Variants in EPHA4 observed in about 807,000 individuals in gnomAD.
EPHA4 encodes EPH receptor A4, also known as ephrin type-A receptor 4.
In EPHA4, 19 loss-of-function variants were observed where a neutral mutation model predicts 108.3. That is an observed-to-expected ratio of 0.18 (90% CI 0.12 to 0.26). EPHA4 has a LOEUF of 0.26. EPHA4 is among the 10% of genes least tolerant of loss of function. The pLI is 1.00. For missense variants in EPHA4, 917 were observed against 1,254.0 expected (o/e 0.73, Z 4.06); for synonymous variants, 449 against 455.5 (o/e 0.99, Z 0.18).
chr2:221,502,966 A>G (rs1187802254), intron 3 of EPHA4, among the ~76,000 whole-genome samples: 2 of 152,182 alleles, frequency 1.3e-5, no homozygotes, highest in Non-Finnish European at 2.9e-5. Context: ...ATAAGGTTCA[A>G]CTTGCAAGGT....
chr2:221,480,432 C>T (rs1691784858), intron 5 of EPHA4, among the ~76,000 whole-genome samples: 1 of 152,174 alleles, frequency 6.6e-6, no homozygotes, highest in African/African-American at 2.4e-5. Context: ...CCAGATGGTG[C>T]AGAAATCGTT....
At chr2:221,515,701 C>T (rs1308715218) in intron 3 of EPHA4, among the ~76,000 whole-genome samples, 1 of 152,072 alleles carries the variant, frequency 6.6e-6, no homozygotes, top group Non-Finnish European at 1.5e-5. Flanking sequence ...CCTGTAGTCC[C>T]AGCTACTGGG....
chr2:221,437,958 T>G (rs978741426), intron 11 of EPHA4, among the ~76,000 whole-genome samples: 2 of 151,922 alleles, frequency 1.3e-5, no homozygotes, highest in African/African-American at 4.8e-5. Context: ...GCATGCGACT[T>G]CTCTCCACTG....
intron 3 of EPHA4, among the ~76,000 whole-genome samples, chr2:221,529,990 G>A (rs911052254): frequency 7.9e-5 from 12 of 152,232 alleles, no homozygotes; most frequent in Non-Finnish European, 1.3e-4. Context: ...TTCAGAAAGC[G>A]AAATTATTTC....
intron 3 of EPHA4, among the ~76,000 whole-genome samples, chr2:221,557,674 G>A (rs765885944): frequency 2.7e-5 from 4 of 145,544 alleles, no homozygotes; most frequent in Non-Finnish European, 4.5e-5. Flanking sequence ...ATGTAAAGAA[G>A]ATTCATAAAC....
In EPHA4 at chr2:221,425,873, A is replaced by G. The variant is rs1689884129; in HGVS notation, c.*155T>C. The G allele has an allele frequency of 3.0e-6, 2 of 660,504 alleles. No homozygotes were observed. Among genetic ancestry groups the G allele is most frequent in the Non-Finnish European group, 5.3e-6 (2 of 380,524 alleles). 40.9% of individuals were successfully genotyped at this position (660,504 alleles called of 1,614,324 possible). A position where few individuals can be genotyped will look rare whatever the true frequency, so the allele number is the denominator to read the frequency against. ...TTCTGTAAGCCCCACAGTTTCAGCAATCTGTGCACCAAGCAACGCTGCAGA... is the reference window on the plus strand; with the variant it reads ...TTCTGTAAGCCCCACAGTTTCAGCAGTCTGTGCACCAAGCAACGCTGCAGA... On this transcript the variant is annotated 3_prime_UTR_variant, in exon 17 of 18. Coordinates refer to ENST00000281821, the MANE Select transcript of EPHA4 (RefSeq NM_004438.5).
At chr2:221,572,110 G>T in intron 1 of EPHA4, 48 bp downstream of exon 1, 1 of 1,525,020 alleles carries the variant, frequency 6.6e-7, no homozygotes, top group Non-Finnish European at 9.1e-7. Context: ...CCTCACCCGC[G>T]ATGGCCCCTC....
At chr2:221,445,579 G>C (rs1198761030) in intron 9 of EPHA4, among the ~76,000 whole-genome samples, 1 of 120,210 alleles carries the variant, frequency 8.3e-6, no homozygotes, top group Non-Finnish European at 1.6e-5. Flanking sequence ...GACAGAGCAA[G>C]ACTCCGTCAG....
chr2:221,469,034 A>T (rs1691400137), intron 5 of EPHA4, among the ~76,000 whole-genome samples: 2 of 152,246 alleles, frequency 1.3e-5, no homozygotes, highest in Admixed American at 1.3e-4. Flanking sequence ...TATACTAGTA[A>T]TACTAACGAT....
intron 8 of EPHA4, among the ~76,000 whole-genome samples, chr2:221,450,742 C>A (rs1001759672): frequency 6.6e-6 from 1 of 151,998 alleles, no homozygotes; most frequent in Admixed American, 6.6e-5. Context: ...TACTTTATAA[C>A]CCTAACATAA....
chr2:221,521,006 G>GC (rs1373435653), intron 3 of EPHA4, among the ~76,000 whole-genome samples: 4 of 152,032 alleles, frequency 2.6e-5, no homozygotes, highest in East Asian at 3.9e-4. Context: ...GTTATATTGC[G>GC]CCCCCTTTGA....
At chr2:221,454,500 C>A (rs1690879263) in intron 8 of EPHA4, among the ~76,000 whole-genome samples, 1 of 152,210 alleles carries the variant, frequency 6.6e-6, no homozygotes, top group Non-Finnish European at 1.5e-5. Context: ...CTACTTCCCT[C>A]TTCTAGAGAA....
chr2:221,568,584 A>C, intron 2 of EPHA4, 134 bp downstream of exon 2: 12 of 584,306 alleles, frequency 2.1e-5, no homozygotes, highest in Non-Finnish European at 3.6e-5. Flanking sequence ...AACAAAGCGT[A>C]ATTCACTTCA....
chr2:221,556,826 T>A (rs1159149869), intron 3 of EPHA4, among the ~76,000 whole-genome samples: 1 of 152,056 alleles, frequency 6.6e-6, no homozygotes, highest in East Asian at 1.9e-4. Context: ...TATTTTATTA[T>A]TGTTGTTGGC....
chr2:221,511,691 A>C lies in EPHA4; in HGVS notation c.824-10519T>G, dbSNP rs529273247. On this transcript the variant is annotated intron_variant, in intron 3 of 17. Coordinates refer to ENST00000281821, the MANE Select transcript of EPHA4 (RefSeq NM_004438.5). ...AGTTGCTAATAGGAATTTTTGATTAATCACAATAGAGCATTGTTAGAAACA... is the reference window on the plus strand; with the variant it reads ...AGTTGCTAATAGGAATTTTTGATTACTCACAATAGAGCATTGTTAGAAACA... Among the ~76,000 whole-genome samples, 10 of 152,376 alleles carry C rather than the reference A, an allele frequency of 6.6e-5. No homozygotes were observed. The East Asian group carries it at 1.5e-3, about 23-fold the overall frequency.
intron 5 of EPHA4, among the ~76,000 whole-genome samples, chr2:221,475,611 C>T (rs941050660): frequency 1.3e-5 from 2 of 152,148 alleles, no homozygotes; most frequent in African/African-American, 4.8e-5. Context: ...TTCGCTTTGC[C>T]GGACATTTGC....
At chr2:221,495,833 CTT>C (rs1341856512) in intron 4 of EPHA4, among the ~76,000 whole-genome samples, 2 of 152,180 alleles carry the variant, frequency 1.3e-5, no homozygotes, top group Non-Finnish European at 2.9e-5. Context: ...CACAGTCTCT[CTT>C]TGGCTAGAAG....
chr2:221,524,203 T>C (rs1693255353), intron 3 of EPHA4, among the ~76,000 whole-genome samples: 1 of 152,212 alleles, frequency 6.6e-6, no homozygotes, highest in Non-Finnish European at 1.5e-5. Flanking sequence ...GTCCGTGTGC[T>C]GCCTCCTCTC....
intron 7 of EPHA4, among the ~76,000 whole-genome samples, chr2:221,456,169 C>CT (rs1323349175): frequency 1.4e-5 from 2 of 139,270 alleles, no homozygotes; most frequent in African/African-American, 5.3e-5. Flanking sequence ...TCCAAAGGGT[C>CT]TTTAAAAAAA....
Sources: allele counts gnomAD v4.1 joint callset (sites outside exome capture counted in the v4.1 genomes callset), GRCh38; gene constraint gnomAD v4.1.1; transcripts MANE v1.5; gene names NCBI Gene and HGNC (gene_info 2026-07-23, HGNC 2026-07-21).